Variants in CPOX observed in about 807,000 individuals in gnomAD.
The protein encoded by CPOX is coproporphyrinogen oxidase, also known as oxygen-dependent coproporphyrinogen-III oxidase, mitochondrial.
A neutral mutation model predicts 48.9 loss-of-function variants in CPOX; 24 were observed. The ratio of observed to expected loss-of-function variants is 0.49; its 90% confidence interval spans 0.36 to 0.69. The LOEUF is 0.69. CPOX is among the 30% of genes least tolerant of loss of function. The pLI is 0.00. For missense variants in CPOX, 549 were observed against 597.3 expected, an observed-to-expected ratio of 0.92 and a Z score of 0.84; for synonymous variants, 249 against 234.6, an observed-to-expected ratio of 1.06 and a Z score of -0.56.
intron 4 of CPOX, 34 bp from the exon 5 acceptor site, chr3:98,585,693 A>G: frequency 6.5e-7 from 1 of 1,531,898 alleles, no homozygotes; most frequent in Non-Finnish European, 9.0e-7. Flanking sequence ...CCAGGGATCA[A>G]ATGGAAAAAA....
intron 4 of CPOX, among the ~76,000 whole-genome samples, chr3:98,587,848 C>T (rs1393730366): frequency 6.6e-6 from 1 of 151,610 alleles, no homozygotes; most frequent in Non-Finnish European, 1.5e-5. Flanking sequence ...AAAAAGGAAC[C>T]AAAAAAGAGA....
At chr3:98,590,254 T>C (rs1329544415) in intron 3 of CPOX, among the ~76,000 whole-genome samples, 1 of 152,258 alleles carries the variant, frequency 6.6e-6, no homozygotes, top group African/African-American at 2.4e-5. Context: ...TTCAAGTGAT[T>C]CTTCCACCTC....
intron 5 of CPOX, 27 bp downstream of exon 5, chr3:98,585,414 G>T: frequency 6.3e-7 from 1 of 1,592,712 alleles, no homozygotes. Flanking sequence ...ACTTAGCCAT[G>T]AAAGAATTCG....
intron 1 of CPOX, 112 bp downstream of exon 1, chr3:98,592,837 T>C: frequency 1.7e-6 from 2 of 1,210,342 alleles, no homozygotes; most frequent in South Asian, 2.6e-5. Context: ...TCTCTGTGGG[T>C]ACCCCCTACC....
At chr3:98,572,530 A>T in the CPOX span, among the ~76,000 whole-genome samples, 1 of 152,080 alleles carries the variant, frequency 6.6e-6, no homozygotes, top group African/African-American at 2.4e-5. Flanking sequence ...TAGGATGGGT[A>T]TGTTTGCTAT....
At chr3:98,588,380 GAAT>G (rs1707407453) in intron 4 of CPOX, among the ~76,000 whole-genome samples, 1 of 151,982 alleles carries the variant, frequency 6.6e-6, no homozygotes. Context: ...TCAACATCAG[GAAT>G]AATAATTCTC....
chr3:98,580,501 G>A lies in CPOX; in HGVS notation c.*182C>T. The A allele has an allele frequency of 6.9e-7, 1 of 1,442,310 alleles. No homozygotes were observed. Among genetic ancestry groups the A allele is most frequent in the Non-Finnish European group, 9.1e-7 (1 of 1,099,636 alleles). 89.3% of individuals were successfully genotyped at this position (1,442,310 alleles called of 1,614,324 possible). On this transcript the variant is annotated 3_prime_UTR_variant, in exon 7 of 7. Transcript: ENST00000647941. Reference sequence around the variant, plus strand: ...TTTAATCAATTGACTCTGACAATCTGCCATCTCACCATTCATCACTGACAG... The same window carrying A: ...TTTAATCAATTGACTCTGACAATCTACCATCTCACCATTCATCACTGACAG...
At chr3:98,570,711 T>C in the CPOX span, among the ~76,000 whole-genome samples, 62,400 of 152,010 alleles carry the variant, frequency 0.41, 12,879 homozygotes, top group Middle Eastern at 0.48. Context: ...AATATGAGGA[T>C]ACTAAGAAAT....
intron 1 of CPOX, 94 bp downstream of exon 1, chr3:98,592,855 T>A: frequency 7.3e-7 from 1 of 1,363,220 alleles, no homozygotes; most frequent in Non-Finnish European, 1.0e-6. Flanking sequence ...ACCTACCCCA[T>A]CCCATATTGT....
At position 98,579,503 on chromosome 3, in the gene CPOX, T is replaced by G; in HGVS notation, c.*1180A>C. 1 of 962,432 alleles carries G rather than the reference T, an allele frequency of 1.0e-6. No individual in the cohort carries two copies. Among genetic ancestry groups the G allele is most frequent in the Non-Finnish European group, 1.2e-6 (1 of 809,114 alleles). 59.6% of individuals were successfully genotyped at this position (962,432 alleles called of 1,614,324 possible). ...GATCTCTTGTAAGACAGTTGAAGAATTCATACATTTTCCAGCCCCAAAAAG... is the reference window on the plus strand; with the variant it reads ...GATCTCTTGTAAGACAGTTGAAGAAGTCATACATTTTCCAGCCCCAAAAAG... On this transcript the variant is annotated 3_prime_UTR_variant, in exon 7 of 7. Transcript: ENST00000647941.
At chr3:98,584,887 G>A (rs1027128602) in intron 5 of CPOX, among the ~76,000 whole-genome samples, 1 of 152,122 alleles carries the variant, frequency 6.6e-6, no homozygotes, top group African/African-American at 2.4e-5. Context: ...AGGTCATTTT[G>A]ACCCAGTTCC....
Position 98,593,026 on chromosome 3 carries a change from T to C in CPOX, c.479A>G (p.Gln160Arg). ...TGCCAGAGCCTGGCACACCTGGGCC[T>C]GGGTCTCCAGAATCAGCAGCTCCAT... ...TKMELLILET[Q>R]AQVCQALAQV... The change falls in exon 1 of 7, where the codon CAG becomes CGG. Residue 160 changes from glutamine (Q) to arginine (R), a missense_variant. Gln to Arg is a conservative substitution (Grantham distance 43). Coordinates refer to ENST00000647941, the MANE Select transcript of CPOX (RefSeq NM_000097.7). 6.2e-7 allele frequency: 1 copy of C among 1,613,950 alleles called. No individual in the cohort carries two copies. The highest frequency in any genetic ancestry group is 8.5e-7 in the Non-Finnish European group (1 of 1,179,944).
At chr3:98,574,051 A>G in the CPOX span, among the ~76,000 whole-genome samples, 13 of 152,140 alleles carry the variant, frequency 8.5e-5, no homozygotes, top group African/African-American at 2.4e-4. Flanking sequence ...CACTTCTTCA[A>G]TTATCACTTT....
chr3:98,592,568 G>C (rs951933941), intron 1 of CPOX, among the ~76,000 whole-genome samples: 4 of 152,066 alleles, frequency 2.6e-5, no homozygotes, highest in African/African-American at 9.7e-5. Flanking sequence ...AGAGGAAAAA[G>C]GGCAAATTCA....
chr3:98,580,815 C>T (rs1030442714), intron 6 of CPOX, 45 bp from the exon 7 acceptor site: 31 of 1,594,294 alleles, frequency 1.9e-5, no homozygotes, highest in Non-Finnish European at 2.7e-5. Flanking sequence ...TAAAAAATGA[C>T]ACACATACCT....
chr3:98,583,420 A>T (rs573295206), intron 5 of CPOX, among the ~76,000 whole-genome samples: 34 of 152,244 alleles, frequency 2.2e-4, no homozygotes, highest in African/African-American at 7.9e-4. Context: ...TTTGTTTTTA[A>T]ATAATATTAT....
intron 5 of CPOX, among the ~76,000 whole-genome samples, chr3:98,583,875 C>CA (rs1406034828): frequency 4.6e-5 from 7 of 152,228 alleles, no homozygotes; most frequent in Admixed American, 4.6e-4. Context: ...TCTTAGGCCC[C>CA]AGAGTTTATT....
At chr3:98,591,362 C>T (rs763754912) in intron 1 of CPOX, among the ~76,000 whole-genome samples, 1 of 152,164 alleles carries the variant, frequency 6.6e-6, no homozygotes, top group Non-Finnish European at 1.5e-5. Flanking sequence ...TCTCATATCA[C>T]TAAACTGAAT....
intron 4 of CPOX, among the ~76,000 whole-genome samples, chr3:98,588,363 T>C (rs1707406908): frequency 6.6e-6 from 1 of 152,186 alleles, no homozygotes; most frequent in African/African-American, 2.4e-5. Context: ...CCTTAGACAT[T>C]CCCAAGTCAA....
Sources: gnomAD v4.1 joint callset for allele counts (sites outside exome capture counted in the v4.1 genomes callset) on GRCh38, gnomAD v4.1.1 for gene constraint, MANE v1.5 for transcripts, NCBI Gene and HGNC (gene_info 2026-07-23, HGNC 2026-07-21) for gene names.